Variants in ARHGAP36 observed in about 807,000 individuals in gnomAD.
The protein encoded by ARHGAP36 is rho GTPase-activating protein 36.
ARHGAP36 carries 7 observed loss-of-function variants against 32.9 expected under a neutral mutation model. That is an observed-to-expected ratio of 0.21 (90% CI 0.12 to 0.40). The LOEUF (loss-of-function observed/expected upper bound fraction) is 0.40. ARHGAP36 is among the 10% of genes least tolerant of loss of function. ARHGAP36 has a pLI of 1.00. For synonymous variants in ARHGAP36, 165 were observed against 168.3 expected, an observed-to-expected ratio of 0.98 and a Z score of 0.15; for missense variants, 383 against 442.2, an observed-to-expected ratio of 0.87 and a Z score of 1.20.
intron 1 of ARHGAP36, among the ~76,000 whole-genome samples, chrX:131,076,398 C>T (rs1407031921): frequency 8.9e-6 from 1 of 112,009 alleles, no homozygotes; most frequent in Non-Finnish European, 1.9e-5. Flanking sequence ...GTCACATTGC[C>T]TTGTTTACAC....
chrX:131,075,582 T>C (rs1221068812), intron 1 of ARHGAP36, among the ~76,000 whole-genome samples: 7 of 103,034 alleles, frequency 6.8e-5, no homozygotes, highest in African/African-American at 2.2e-4. Flanking sequence ...CACACACACA[T>C]ATATAAACAC....
chrX:131,075,564 T>C (rs1297896796), intron 1 of ARHGAP36, among the ~76,000 whole-genome samples: 5 of 107,840 alleles, frequency 4.6e-5, no homozygotes, highest in Non-Finnish European at 9.6e-5. Context: ...CCTGTAAATA[T>C]ATATATACAC....
chrX:131,062,824 A>G (rs1229274758), intron 1 of ARHGAP36, among the ~76,000 whole-genome samples: 1 of 112,119 alleles, frequency 8.9e-6, no homozygotes, highest in African/African-American at 3.2e-5. Flanking sequence ...TTTTAAGGAC[A>G]AAATCTCAGA....
rs773609183 is a variant in ARHGAP36, at chrX:131,088,614, T to C, written c.1487-14T>C. On this transcript the variant is annotated splice_polypyrimidine_tract_variant and intron_variant, in intron 11 of 11. Coordinates refer to ENST00000276211, the MANE Select transcript of ARHGAP36 (RefSeq NM_144967.4). ...CTAGAAACATAAGGAGTTAACATTG[T>C]TACTATTTTTCAGGTTCCTCTGAGG... The C allele has an allele frequency of 2.2e-5, 27 of 1,204,706 alleles. No homozygotes were observed. Among genetic ancestry groups the C allele is most frequent in the Non-Finnish European group, 2.8e-5 (25 of 892,540 alleles).
At chrX:131,065,566 CA>C (rs1449831899) in intron 1 of ARHGAP36, among the ~76,000 whole-genome samples, 2 of 111,065 alleles carry the variant, frequency 1.8e-5, no homozygotes, top group Non-Finnish European at 3.8e-5. Context: ...TGGGAGATAC[CA>C]AAGTTTGCCT....
intron 1 of ARHGAP36, among the ~76,000 whole-genome samples, chrX:131,070,864 C>T (rs1490070391): frequency 3.7e-5 from 4 of 109,109 alleles, no homozygotes; most frequent in Non-Finnish European, 7.6e-5. Context: ...AGGTTCAAAT[C>T]GTGTCTCCCA....
rs769587671 is a variant in ARHGAP36, at chrX:131,083,202, G to T, written c.291G>T (p.Trp97Cys). 2 of 1,211,293 alleles carry T rather than the reference G, an allele frequency of 1.7e-6. No individual in the cohort carries two copies. Among genetic ancestry groups the T allele is most frequent in the East Asian group, 3.0e-5 (1 of 33,828 alleles). Reference sequence around the variant, plus strand: ...ACCGTCCGAACACCTTGGATAAGTGGTTTCTGATTTTGAGAGGACAGCAGA... The same window carrying T: ...ACCGTCCGAACACCTTGGATAAGTGTTTTCTGATTTTGAGAGGACAGCAGA... ...PIDRPNTLDKWFLILRGQQRA... is the reference protein window; with the variant it reads ...PIDRPNTLDKCFLILRGQQRA... The change falls in exon 3 of 12, where the codon TGG (tryptophan) becomes TGT (cysteine). Residue 97 changes from tryptophan (W) to cysteine (C), a missense_variant. This residue lies in a region of ARHGAP36 where 156 missense variants were observed against 131.0 expected (regional missense o/e 1.19). Coordinates refer to ENST00000276211, the MANE Select transcript of ARHGAP36 (RefSeq NM_144967.4).
In ARHGAP36 at chrX:131,083,842, C is replaced by T. The variant is rs1325945981; in HGVS notation, c.428C>T (p.Thr143Ile). Residue 143 changes from threonine (T) to isoleucine (I), a missense_variant, in exon 4 of 12, where the codon ACC becomes ATC. Around this residue, in one of 2 missense-constraint regions of ARHGAP36, gnomAD observed 156 missense variants for 131.0 expected, o/e 1.19. Transcript: ENST00000276211. The part of the protein sequence containing the change: ...LTATMQVEEA[T>I]GQAAGRRRGN... Reference sequence around the variant, plus strand: ...GCCACGATGCAGGTTGAAGAAGCCACCGGTCAGGCTGCGGGCCGTCGTCGG... The same window carrying T: ...GCCACGATGCAGGTTGAAGAAGCCATCGGTCAGGCTGCGGGCCGTCGTCGG... 1.7e-6 allele frequency: 2 copies of T among 1,210,883 alleles called. No homozygotes were observed. Among genetic ancestry groups the T allele is most frequent in the Non-Finnish European group, 2.2e-6 (2 of 895,454 alleles).
chrX:131,085,151 G>A (rs1450488820), intron 7 of ARHGAP36, 87 bp downstream of exon 7: 7 of 987,206 alleles, frequency 7.1e-6, no homozygotes, highest in Non-Finnish European at 9.3e-6. Flanking sequence ...CAGGCTGGAG[G>A]ACTTTGAAGA....
chrX:131,084,935 G>C lies in ARHGAP36; in HGVS notation c.826G>C (p.Gly276Arg). ...CTAGCTCCGTGAAGAATTTGATCAA[G>C]GTCTGGATGTAGTGCTGGATGACAA... Reference protein sequence around the residue: ...VRQLREEFDQGLDVVLDDNQN... With the variant: ...VRQLREEFDQRLDVVLDDNQN... The change falls in exon 7 of 12, where the codon GGT becomes CGT. Residue 276 changes from glycine (G) to arginine (R), a missense_variant. Physicochemically the swap from Gly to Arg is moderately radical, Grantham distance 125. Transcript: ENST00000276211. The C allele has an allele frequency of 4.1e-6, 5 of 1,211,905 alleles. No homozygotes were observed. The highest frequency in any genetic ancestry group is 5.6e-6 in the Non-Finnish European group (5 of 895,551).
Position 131,058,382 on chromosome X carries a change from G to A in ARHGAP36, c.-205G>A, listed in dbSNP as rs2079651235. 8.9e-7 allele frequency: 1 copy of A among 1,124,748 alleles called. No individual in the cohort carries two copies. Among genetic ancestry groups the A allele is most frequent in the South Asian group, 2.1e-5 (1 of 46,709 alleles). The allele number at this position is 1,124,748 out of a possible 1,213,427, so 92.7% of individuals were successfully genotyped here. A position where few individuals can be genotyped will look rare whatever the true frequency, so the allele number is the denominator to read the frequency against. ...CTGCGAGCTGCCGGGCACTCAGCGC[G>A]GGTCATGGCGTGGATACTGGACTGC... On this transcript the variant is annotated 5_prime_UTR_variant, in exon 1 of 12. Transcript: ENST00000276211.
In ARHGAP36 at chrX:131,086,372, A is replaced by T; in HGVS notation, c.1325A>T (p.Lys442Met). Residue 442 changes from lysine (K) to methionine (M), a missense_variant, in exon 10 of 12, where the codon AAG (lysine) becomes ATG (methionine). Around this residue, in one of 2 missense-constraint regions of ARHGAP36, gnomAD observed 227 missense variants for 311.3 expected, o/e 0.73. Coordinates refer to ENST00000276211, the MANE Select transcript of ARHGAP36 (RefSeq NM_144967.4). ...AGGCAGGTTGCTAAGCGCGTGTGGA[A>T]GTCCAGCCCGGAAGCACTTGATTTT... ...IQRQVAKRVW[K>M]SSPEALDFIR... The T allele has an allele frequency of 8.3e-7, 1 of 1,212,054 alleles. No homozygotes were observed. Among genetic ancestry groups the T allele is most frequent in the Non-Finnish European group, 1.1e-6 (1 of 895,605 alleles).
At position 131,058,452 on chromosome X, in the gene ARHGAP36, G is replaced by C; in HGVS notation, c.-143+8G>C. The C allele has an allele frequency of 9.5e-7, 1 of 1,056,461 alleles. No individual in the cohort carries two copies. The highest frequency in any genetic ancestry group is 1.9e-5 in the African/African-American group (1 of 51,651). 87.1% of individuals were successfully genotyped at this position (1,056,461 alleles called of 1,213,427 possible). On this transcript the variant is annotated splice_region_variant and intron_variant, in intron 1 of 11. Coordinates refer to ENST00000276211, the MANE Select transcript of ARHGAP36 (RefSeq NM_144967.4). ...AGCCCCGCCCCCGCCGTGGTGAGTG[G>C]GGCCCACCGAGTCGGGGGGCTGGGG...
At chrX:131,082,617 C>G (rs939161765) in intron 2 of ARHGAP36, among the ~76,000 whole-genome samples, 11 of 113,419 alleles carry the variant, frequency 9.7e-5, no homozygotes, top group African/African-American at 3.2e-4. Context: ...GCGCGCACCG[C>G]GAACGCAGCT....
In ARHGAP36 at chrX:131,085,106, A is replaced by T. The variant is rs376374591; in HGVS notation, c.955+42A>T. 7.6e-6 allele frequency: 9 copies of T among 1,181,111 alleles called. No homozygotes were observed. The African/African-American group carries it at 1.1e-4, about 14-fold the overall frequency. Reference sequence around the variant, plus strand: ...CCCTAGTAGGGCAAGGAAAGGAAATATTACTGGGGTCTAGGGGGTTCTAGG... The same window carrying T: ...CCCTAGTAGGGCAAGGAAAGGAAATTTTACTGGGGTCTAGGGGGTTCTAGG... On this transcript the variant is annotated intron_variant, in intron 7 of 11. Coordinates refer to ENST00000276211, the MANE Select transcript of ARHGAP36 (RefSeq NM_144967.4).
Position 131,058,437 on chromosome X carries a change from C to A in ARHGAP36, c.-150C>A. On this transcript the variant is annotated 5_prime_UTR_variant, in exon 1 of 12. Coordinates refer to ENST00000276211, the MANE Select transcript of ARHGAP36 (RefSeq NM_144967.4). The stretch of plus-strand genomic sequence containing the variant: ...TCGCCTCGGCCTTTGAGCCCCGCCC[C>A]CGCCGTGGTGAGTGGGGCCCACCGA... 9.3e-7 allele frequency: 1 copy of A among 1,077,464 alleles called. No individual in the cohort carries two copies. The highest frequency in any genetic ancestry group is 1.2e-6 in the Non-Finnish European group (1 of 825,501). 88.8% of individuals were successfully genotyped at this position (1,077,464 alleles called of 1,213,427 possible).
chrX:131,066,411 A>T (rs778650544), intron 1 of ARHGAP36, among the ~76,000 whole-genome samples: 2 of 111,991 alleles, frequency 1.8e-5, no homozygotes, highest in Non-Finnish European at 3.8e-5. Flanking sequence ...GTTCATTTTC[A>T]ACTCTTTCTT....
chrX:131,085,832 A>G (rs2079832654), intron 8 of ARHGAP36, 81 bp from the exon 9 acceptor site: 2 of 1,173,329 alleles, frequency 1.7e-6, no homozygotes, highest in African/African-American at 1.8e-5. Context: ...AGAGAGAAAC[A>G]AGAATAAAAA....
chrX:131,081,534 C>A lies in ARHGAP36; in HGVS notation c.-132C>A. Reference sequence around the variant, plus strand: ...TTTTTTCTTTTTTAGCAAAAACAACCAGAGGCTGCTCTGCTTGAGGGTGAA... The same window carrying A: ...TTTTTTCTTTTTTAGCAAAAACAACAAGAGGCTGCTCTGCTTGAGGGTGAA... On this transcript the variant is annotated 5_prime_UTR_variant, in exon 2 of 12. Coordinates refer to ENST00000276211, the MANE Select transcript of ARHGAP36 (RefSeq NM_144967.4). 4.6e-6 allele frequency: 5 copies of A among 1,076,443 alleles called. No individual in the cohort carries two copies. Among genetic ancestry groups the A allele is most frequent in the East Asian group, 6.5e-5 (2 of 30,712 alleles). 88.7% of individuals were successfully genotyped at this position (1,076,443 alleles called of 1,213,427 possible). A position where few individuals can be genotyped will look rare whatever the true frequency, so the allele number is the denominator to read the frequency against.
Sources: allele counts gnomAD v4.1 joint callset (sites outside exome capture counted in the v4.1 genomes callset), GRCh38; gene constraint gnomAD v4.1.1; regional missense constraint gnomAD v4.1.1; transcripts MANE v1.5; gene names NCBI Gene and HGNC (gene_info 2026-07-23, HGNC 2026-07-21).